Variants in ELOVL6 observed in about 807,000 individuals in gnomAD.
The protein encoded by ELOVL6 is ELOVL fatty acid elongase 6.
ELOVL6 carries 8 observed loss-of-function variants against 31.7 expected under a neutral mutation model. The ratio of observed to expected loss-of-function variants is 0.25; its 90% CI spans 0.15 to 0.45. ELOVL6 has a LOEUF of 0.45. Ranked by LOEUF, ELOVL6 falls within the 20% of genes least tolerant of loss-of-function variation. The pLI, the probability that ELOVL6 is intolerant of heterozygous loss-of-function variation, is 1.00. For synonymous variants in ELOVL6, 101 were observed against 117.7 expected, an observed-to-expected ratio of 0.86 and a Z score of 0.92; for missense variants, 126 against 326.4, an observed-to-expected ratio of 0.39 and a Z score of 4.73.
At chr4:110,084,556 A>ATATATTTT (rs1208053354) in intron 2 of ELOVL6, among the ~76,000 whole-genome samples, 2 of 67,526 alleles carry the variant, frequency 3.0e-5, no homozygotes, top group African/African-American at 2.0e-4. Context: ...ACACACACAC[A>ATATATTTT]CACACAGATA....
At chr4:110,191,038 C>T (rs1464340394) in intron 1 of ELOVL6, among the ~76,000 whole-genome samples, 3 of 152,118 alleles carry the variant, frequency 2.0e-5, no homozygotes, top group Non-Finnish European at 1.5e-5. Context: ...AGGCTGGTCT[C>T]GAACTCCTGA....
rs188959980 is a variant in ELOVL6, at chr4:110,054,113, A to T, written c.374-2351T>A. ...CAAGACTCCATCTCAAAAAATAAAT[A>T]AATTAATTAAATAAATAGGAAAGTT... On this transcript the variant is annotated intron_variant, in intron 3 of 3. Coordinates refer to ENST00000302274, the MANE Select transcript of ELOVL6 (RefSeq NM_024090.3). Among the ~76,000 whole-genome samples the T allele has an allele frequency of 6.1e-3, 922 of 152,294 alleles. 3 individuals are homozygous for T. Among genetic ancestry groups the T allele is most frequent in the Non-Finnish European group, 0.01 (697 of 68,024 alleles).
intron 1 of ELOVL6, among the ~76,000 whole-genome samples, chr4:110,167,336 T>C (rs1455840860): frequency 6.7e-6 from 1 of 148,690 alleles, no homozygotes; most frequent in African/African-American, 2.5e-5. Context: ...ACTGTAAATA[T>C]GTCTCTCTCT....
chr4:110,162,240 C>A (rs1758651191), intron 1 of ELOVL6, among the ~76,000 whole-genome samples: 1 of 152,138 alleles, frequency 6.6e-6, no homozygotes, highest in Non-Finnish European at 1.5e-5. Context: ...TAACAGACAA[C>A]CAAAATTTTT....
intron 1 of ELOVL6, chr4:110,117,904 A>AAAAT (rs1757224623): frequency 1.3e-4 from 1 of 7,414 alleles, no homozygotes; most frequent in African/African-American, 3.7e-4. Flanking sequence ...AAAAAAAAAA[A>AAAAT]TATATATATA....
intron 1 of ELOVL6, among the ~76,000 whole-genome samples, chr4:110,140,973 G>A (rs565847550): frequency 2.0e-5 from 3 of 152,006 alleles, no homozygotes; most frequent in Admixed American, 6.6e-5. Flanking sequence ...TCACAATCAC[G>A]GCAGCTTACG....
intron 1 of ELOVL6, among the ~76,000 whole-genome samples, chr4:110,170,059 C>T (rs545913026): frequency 6.6e-6 from 1 of 151,380 alleles, no homozygotes; most frequent in Non-Finnish European, 1.5e-5. Context: ...AGGTGATCCA[C>T]CCACTTTGGC....
At chr4:110,131,645 A>C (rs1422296491) in intron 1 of ELOVL6, among the ~76,000 whole-genome samples, 3 of 152,210 alleles carry the variant, frequency 2.0e-5, no homozygotes, top group East Asian at 1.9e-4. Context: ...AAGAAAAAAA[A>C]CAAAAACTCC....
At chr4:110,082,845 G>A (rs1357367201) in intron 2 of ELOVL6, among the ~76,000 whole-genome samples, 1 of 152,238 alleles carries the variant, frequency 6.6e-6, no homozygotes, top group Non-Finnish European at 1.5e-5. Flanking sequence ...GATAGGCCAT[G>A]TGTGTTTTCA....
At chr4:110,091,627 T>A (rs1756429488) in intron 2 of ELOVL6, among the ~76,000 whole-genome samples, 1 of 152,168 alleles carries the variant, frequency 6.6e-6, no homozygotes, top group African/African-American at 2.4e-5. Context: ...TCATAAGCAA[T>A]TCTATTAAAC....
intron 3 of ELOVL6, among the ~76,000 whole-genome samples, chr4:110,056,549 A>G (rs1318799328): frequency 1.3e-5 from 2 of 152,152 alleles, no homozygotes; most frequent in Non-Finnish European, 2.9e-5. Flanking sequence ...AAAAAAAAAA[A>G]GTATTCAGAA....
At chr4:110,112,436 C>T (rs187659692) in intron 1 of ELOVL6, among the ~76,000 whole-genome samples, 7 of 152,298 alleles carry the variant, frequency 4.6e-5, no homozygotes, top group African/African-American at 9.6e-5. Flanking sequence ...AATCCTAAAG[C>T]GTTGCATCTT....
chr4:110,141,749 T>C (rs1338340019), intron 1 of ELOVL6, among the ~76,000 whole-genome samples: 1 of 135,012 alleles, frequency 7.4e-6, no homozygotes, highest in Admixed American at 7.7e-5. Flanking sequence ...TATTTATATA[T>C]ATAGTATTGT....
chr4:110,053,938 CA>C (rs369494890), intron 3 of ELOVL6, among the ~76,000 whole-genome samples: 11,888 of 142,354 alleles, frequency 0.084, 497 homozygotes, highest in Middle Eastern at 0.1. Flanking sequence ...GACTCCATCT[CA>C]AAAAAAAAAA....
At chr4:110,087,585 C>G (rs945652346) in intron 2 of ELOVL6, among the ~76,000 whole-genome samples, 1 of 152,108 alleles carries the variant, frequency 6.6e-6, no homozygotes, top group Non-Finnish European at 1.5e-5. Flanking sequence ...TTTCCAAGCC[C>G]AGCTGTCTCT....
chr4:110,184,268 G>A (rs573788722), intron 1 of ELOVL6, among the ~76,000 whole-genome samples: 1 of 152,292 alleles, frequency 6.6e-6, no homozygotes, highest in South Asian at 2.1e-4. Context: ...GAACAGCCTC[G>A]TATGTCCATG....
chr4:110,197,459 T>G (rs1455189402), intron 1 of ELOVL6, among the ~76,000 whole-genome samples: 1 of 152,132 alleles, frequency 6.6e-6, no homozygotes, highest in Non-Finnish European at 1.5e-5. Flanking sequence ...GGAGGGGCTT[T>G]TAATCTGTGT....
chr4:110,133,648 G>C (rs1263902861), intron 1 of ELOVL6, among the ~76,000 whole-genome samples: 1 of 152,142 alleles, frequency 6.6e-6, no homozygotes, highest in African/African-American at 2.4e-5. Flanking sequence ...TAAGTCCCAA[G>C]TCTGTTTGGA....
intron 2 of ELOVL6, among the ~76,000 whole-genome samples, chr4:110,091,844 T>C (rs1756435740): frequency 6.6e-6 from 1 of 152,170 alleles, no homozygotes; most frequent in Non-Finnish European, 1.5e-5. Flanking sequence ...TGTTAGGAAA[T>C]TGCAATGTGC....
Sources: gnomAD v4.1 joint callset for allele counts (sites outside exome capture counted in the v4.1 genomes callset) on GRCh38, gnomAD v4.1.1 for gene constraint, MANE v1.5 for transcripts, NCBI Gene and HGNC (gene_info 2026-07-23, HGNC 2026-07-21) for gene names.